Variants in SMARCA2 observed in about 807,000 individuals in gnomAD.
SMARCA2 encodes the protein SWI/SNF related BAF chromatin remodeling complex subunit ATPase 2, also known as SWI/SNF-related matrix-associated actin-dependent regulator of chromatin subfamily A member 2.
Under a neutral mutation model 199.8 loss-of-function variants are expected in SMARCA2, and 61 were observed. The ratio of observed to expected loss-of-function variants is 0.31; its 90% CI spans 0.25 to 0.38. The LOEUF is 0.38. Ranked by LOEUF, SMARCA2 falls within the 10% of genes least tolerant of loss-of-function variation. The pLI is 1.00. For synonymous variants in SMARCA2, 935 were observed against 732.0 expected, an observed-to-expected ratio of 1.28 and a Z score of -4.48; for missense variants, 1,344 against 2,012.2, an observed-to-expected ratio of 0.67 and a Z score of 6.35.
At chr9:2,157,671 C>T (rs1232096588) in intron 27 of SMARCA2, 2 of 379,512 alleles carry the variant, frequency 5.3e-6, no homozygotes, top group Non-Finnish European at 9.3e-6. Context: ...TGCCACATGG[C>T]TTGGTGGACT....
At chr9:2,105,485 C>T (rs956078473) in intron 23 of SMARCA2, among the ~76,000 whole-genome samples, 6 of 152,180 alleles carry the variant, frequency 3.9e-5, no homozygotes, top group Non-Finnish European at 8.8e-5. Flanking sequence ...AACTCCTGAC[C>T]TCAAGTGATC....
chr9:2,058,881 G>A (rs3793485), intron 8 of SMARCA2, among the ~76,000 whole-genome samples: 1 of 152,056 alleles, frequency 6.6e-6, no homozygotes, highest in Non-Finnish European at 1.5e-5. Context: ...AATCTAAGAA[G>A]GTCTGTGTTT....
chr9:2,144,569 C>T (rs1452470744), intron 27 of SMARCA2, among the ~76,000 whole-genome samples: 1 of 152,188 alleles, frequency 6.6e-6, no homozygotes, highest in Non-Finnish European at 1.5e-5. Flanking sequence ...TTAGATTCCT[C>T]TCAGGAGCCT....
intron 1 of SMARCA2, among the ~76,000 whole-genome samples, chr9:2,028,569 G>A (rs999698614): frequency 6.6e-6 from 1 of 152,098 alleles, no homozygotes; most frequent in African/African-American, 2.4e-5. Context: ...AGTCTTGGTT[G>A]GATACTTTTT....
Position 2,086,670 on chromosome 9 carries a change from G to A in SMARCA2, c.2527-159G>A, listed in dbSNP as rs774383378. 9.9e-5 allele frequency among the ~76,000 whole-genome samples: 15 copies of A among 152,154 alleles called. No individual in the cohort carries two copies. Among genetic ancestry groups the A allele is most frequent in the Non-Finnish European group, 2.1e-4 (14 of 68,022 alleles). On this transcript the variant is annotated intron_variant, in intron 17 of 33. Transcript: ENST00000349721. The surrounding 1 kb of genome is among the most constrained non-coding windows in gnomAD (Gnocchi z 4.3). ...ATAGGATGTCTTATGCGGCCTATCA[G>A]GCATGAGACATTGTTGAGATTCCCT...
At chr9:2,117,529 C>T (rs544719918) in intron 25 of SMARCA2, among the ~76,000 whole-genome samples, 5 of 152,212 alleles carry the variant, frequency 3.3e-5, no homozygotes, top group South Asian at 2.1e-4. Context: ...AACAATATGG[C>T]GAATGATCTA....
At chr9:2,019,320 ACAGCC>A (rs1818502209) in intron 1 of SMARCA2, among the ~76,000 whole-genome samples, 1 of 152,170 alleles carries the variant, frequency 6.6e-6, no homozygotes, top group Admixed American at 6.5e-5. Context: ...TATATCAGTA[ACAGCC>A]CAGCATCAGG....
At chr9:2,108,197 G>C (rs1822846094) in intron 23 of SMARCA2, among the ~76,000 whole-genome samples, 1 of 152,190 alleles carries the variant, frequency 6.6e-6, no homozygotes, top group Non-Finnish European at 1.5e-5. Flanking sequence ...GGCCAGTGGT[G>C]TCAACGGGTT....
intron 4 of SMARCA2, chr9:2,040,256 T>C (rs1259986433): frequency 6.5e-6 from 3 of 461,886 alleles, no homozygotes; most frequent in Non-Finnish European, 1.1e-5. Context: ...CAGAACTCAC[T>C]GCTCAGATCA....
At chr9:2,187,800 C>T (rs963479344) in intron 32 of SMARCA2, among the ~76,000 whole-genome samples, 8 of 152,122 alleles carry the variant, frequency 5.3e-5, no homozygotes, top group East Asian at 1.9e-4. Context: ...CAGTATAAGC[C>T]GAGCCCAGTG....
At chr9:2,109,772 TAGAAA>T (rs1159814630) in intron 23 of SMARCA2, among the ~76,000 whole-genome samples, 1 of 152,226 alleles carries the variant, frequency 6.6e-6, no homozygotes, top group African/African-American at 2.4e-5. Context: ...GGTAAAGTAG[TAGAAA>T]AGAACTTTCC....
chr9:2,164,799 CT>C (rs1825859232), intron 28 of SMARCA2, among the ~76,000 whole-genome samples: 1 of 152,090 alleles, frequency 6.6e-6, no homozygotes, highest in Non-Finnish European at 1.5e-5. Flanking sequence ...TATTTGCTTA[CT>C]TACTTTTCCT....
Position 2,115,562 on chromosome 9 carries a change from T to C in SMARCA2, c.3457-260T>C, listed in dbSNP as rs1252403655. On this transcript the variant is annotated intron_variant, in intron 24 of 33. Coordinates refer to ENST00000349721, the MANE Select transcript of SMARCA2 (RefSeq NM_003070.5). This position sits in a 1 kb window ranked among gnomAD's most constrained non-coding sequence, Gnocchi z 6.0. ...ATCTGATGGGGAACCTAGAGACAGATAAAAACAATATGATACCTGGATTTC... is the reference window on the plus strand; with the variant it reads ...ATCTGATGGGGAACCTAGAGACAGACAAAAACAATATGATACCTGGATTTC... Among the ~76,000 whole-genome samples, 1 of 152,206 alleles carries C rather than the reference T, an allele frequency of 6.6e-6. No homozygotes were observed. Among genetic ancestry groups the C allele is most frequent in the African/African-American group, 2.4e-5 (1 of 41,460 alleles).
chr9:2,156,197 G>A (rs777196740), intron 27 of SMARCA2, among the ~76,000 whole-genome samples: 10 of 152,092 alleles, frequency 6.6e-5, no homozygotes, highest in South Asian at 2.1e-4. Context: ...AAGACTGAAC[G>A]TGCTATCTGT....
intron 29 of SMARCA2, among the ~76,000 whole-genome samples, chr9:2,176,177 G>A (rs908611272): frequency 5.9e-5 from 7 of 119,482 alleles, no homozygotes; most frequent in African/African-American, 3.1e-4. Flanking sequence ...CACCGCGCCC[G>A]GCCTGTTTTT....
At chr9:2,159,777 A>C in intron 27 of SMARCA2, 4 of 1,584,932 alleles carry the variant, frequency 2.5e-6, no homozygotes, top group Non-Finnish European at 3.4e-6. Flanking sequence ...ATATGAAAAC[A>C]CAGCCTTTCC....
At chr9:2,049,691 C>T (rs1217952939) in intron 5 of SMARCA2, among the ~76,000 whole-genome samples, 1 of 152,182 alleles carries the variant, frequency 6.6e-6, no homozygotes, top group Non-Finnish European at 1.5e-5. Flanking sequence ...GGTTACAGAG[C>T]AATAGCTCTC....
rs374375338 is a variant in SMARCA2, at chr9:2,104,313, A to T, written c.3292+144A>T. On this transcript the variant is annotated intron_variant, in intron 23 of 33. Transcript: ENST00000349721. This position sits in a 1 kb window ranked among gnomAD's most constrained non-coding sequence, Gnocchi z 4.0. Reference sequence around the variant, plus strand: ...TTGGGAGCAGTTTTTCTAGATAGCAATTTTTTGCATCCTTAAGCTTTAAAT... The same window carrying T: ...TTGGGAGCAGTTTTTCTAGATAGCATTTTTTTGCATCCTTAAGCTTTAAAT... The T allele has an allele frequency of 1.5e-6, 1 of 686,484 alleles. No individual in the cohort carries two copies. Among genetic ancestry groups the T allele is most frequent in the Non-Finnish European group, 2.4e-6 (1 of 420,822 alleles). 42.5% of individuals were successfully genotyped at this position (686,484 alleles called of 1,614,324 possible). A position where few individuals can be genotyped will look rare whatever the true frequency, so the allele number is the denominator to read the frequency against.
intron 27 of SMARCA2, among the ~76,000 whole-genome samples, chr9:2,153,934 G>A (rs1033384342): frequency 3.4e-4 from 52 of 152,116 alleles, no homozygotes; most frequent in African/African-American, 1.2e-3. Context: ...ATTCACCTAA[G>A]CCTGGCAAGT....
Sources: gnomAD v4.1 joint callset for allele counts (sites outside exome capture counted in the v4.1 genomes callset) on GRCh38, gnomAD v4.1.1 for gene constraint, Gnocchi (gnomAD v3.1) non-coding constraint, MANE v1.5 for transcripts, NCBI Gene and HGNC (gene_info 2026-07-23, HGNC 2026-07-21) for gene names.